Variants in PEAK1 observed in about 807,000 individuals in gnomAD.
PEAK1 encodes the protein inactive tyrosine-protein kinase PEAK1.
Under a neutral mutation model 124.7 loss-of-function variants are expected in PEAK1, and 54 were observed. That is an observed-to-expected ratio of 0.43 (90% CI 0.35 to 0.54). The LOEUF is 0.54. Ranked by LOEUF, PEAK1 falls within the 20% of genes least tolerant of loss-of-function variation. The probability of loss-of-function intolerance (pLI) is 0.01; values close to 1 mark genes in which losing one functional copy is unlikely to be tolerated. For synonymous variants in PEAK1, 719 were observed against 760.0 expected (o/e 0.95, Z 0.89); for missense variants, 2,046 against 2,134.5 (o/e 0.96, Z 0.82).
chr15:77,295,038 C>T (rs781181100), intron 2 of PEAK1, among the ~76,000 whole-genome samples: 52 of 152,182 alleles, frequency 3.4e-4, no homozygotes, highest in Admixed American at 2.1e-3. Context: ...AAGTCAAGGT[C>T]CTAAAGTACT....
intron 2 of PEAK1, among the ~76,000 whole-genome samples, chr15:77,299,734 T>A (rs2063692647): frequency 6.6e-6 from 1 of 152,210 alleles, no homozygotes; most frequent in African/African-American, 2.4e-5. Context: ...AGAAGTGTCA[T>A]AGAAATGCTG....
intron 8 of PEAK1, among the ~76,000 whole-genome samples, chr15:77,154,448 G>A (rs1340013701): frequency 6.6e-6 from 1 of 152,204 alleles, no homozygotes; most frequent in East Asian, 1.9e-4. Context: ...CAATTTGCCA[G>A]TCTGTGTCTT....
At chr15:77,353,510 G>A (rs2067328027) in intron 2 of PEAK1, among the ~76,000 whole-genome samples, 1 of 152,142 alleles carries the variant, frequency 6.6e-6, no homozygotes, top group Non-Finnish European at 1.5e-5. Flanking sequence ...TTAAAGGAGA[G>A]TTAAATGTTT....
At chr15:77,262,445 C>A (rs1315077078) in intron 5 of PEAK1, among the ~76,000 whole-genome samples, 1 of 149,558 alleles carries the variant, frequency 6.7e-6, no homozygotes, top group African/African-American at 2.5e-5. Context: ...ACAAAAAAGG[C>A]AGGGGTTGCA....
rs189100742 is a variant in PEAK1, at chr15:77,352,427, C to T, written c.-603+12736G>A. 3.0e-4 allele frequency: 293 copies of T among 985,214 alleles called. 1 individual carries two copies. In the African/African-American group the frequency reaches 4.2e-3, roughly 14 times the overall value. 61.0% of individuals were successfully genotyped at this position (985,214 alleles called of 1,614,324 possible). A position where few individuals can be genotyped will look rare whatever the true frequency, so the allele number is the denominator to read the frequency against. ...CAAGACAGGTCCTCATTCAGATACACGCACCACTAGGCCTGAAGGGGAGAT... is the reference window on the plus strand; with the variant it reads ...CAAGACAGGTCCTCATTCAGATACATGCACCACTAGGCCTGAAGGGGAGAT... On this transcript the variant is annotated intron_variant, in intron 2 of 9. Coordinates refer to ENST00000682557, the MANE Select transcript of PEAK1 (RefSeq NM_001385026.1).
chr15:77,415,681 T>C (rs1020282745), intron 1 of PEAK1, among the ~76,000 whole-genome samples: 1 of 152,202 alleles, frequency 6.6e-6, no homozygotes, highest in Admixed American at 6.5e-5. Flanking sequence ...TACAAACTTA[T>C]TTACATTGCC....
chr15:77,253,030 A>C (rs986356566), intron 5 of PEAK1, among the ~76,000 whole-genome samples: 41 of 152,196 alleles, frequency 2.7e-4, no homozygotes, highest in African/African-American at 9.9e-4. Flanking sequence ...AATATCACCC[A>C]AAATTAAATA....
At chr15:77,174,983 G>A (rs552318939) in intron 7 of PEAK1, among the ~76,000 whole-genome samples, 17 of 151,234 alleles carry the variant, frequency 1.1e-4, no homozygotes, top group African/African-American at 4.1e-4. Flanking sequence ...ACAAACCTGA[G>A]AAAAACAAGC....
At chr15:77,302,193 G>T (rs1208522726) in intron 2 of PEAK1, among the ~76,000 whole-genome samples, 2 of 152,100 alleles carry the variant, frequency 1.3e-5, no homozygotes, top group Non-Finnish European at 2.9e-5. Context: ...TACTCCCCAA[G>T]ATCTGAGGAC....
intron 9 of PEAK1, among the ~76,000 whole-genome samples, chr15:77,124,878 C>T (rs559458264): frequency 6.6e-6 from 1 of 152,312 alleles, no homozygotes; most frequent in South Asian, 2.1e-4. Context: ...AAAGTGGATA[C>T]AAAAGGCCCT....
At chr15:77,262,907 C>G (rs1400058682) in intron 5 of PEAK1, among the ~76,000 whole-genome samples, 1 of 152,214 alleles carries the variant, frequency 6.6e-6, no homozygotes, top group Non-Finnish European at 1.5e-5. Flanking sequence ...AACTGTCTCT[C>G]AGGCCACAGT....
chr15:77,281,176 G>C (rs2062653992), intron 5 of PEAK1, among the ~76,000 whole-genome samples: 1 of 151,930 alleles, frequency 6.6e-6, no homozygotes, highest in South Asian at 2.1e-4. Context: ...CAAAAAAAAA[G>C]TCTATTTCCT....
chr15:77,351,981 G>C, intron 2 of PEAK1: 1 of 980,780 alleles, frequency 1.0e-6, no homozygotes, highest in Non-Finnish European at 1.2e-6. Context: ...AGCAATTTGG[G>C]AGGCCAAGGC....
intron 2 of PEAK1, among the ~76,000 whole-genome samples, chr15:77,288,248 ATT>A (rs2063028144): frequency 6.6e-6 from 1 of 152,170 alleles, no homozygotes; most frequent in Non-Finnish European, 1.5e-5. Flanking sequence ...CTTCAACTTT[ATT>A]TCCTATCTCC....
intron 2 of PEAK1, chr15:77,336,645 C>T: frequency 1.8e-6 from 1 of 560,218 alleles, no homozygotes; most frequent in Non-Finnish European, 2.3e-6. Context: ...GGACATCCAA[C>T]AACAGATCAA....
At chr15:77,278,794 A>G in intron 5 of PEAK1, 2 of 275,586 alleles carry the variant, frequency 7.3e-6, no homozygotes, top group South Asian at 3.8e-5. Flanking sequence ...TTGAAATACT[A>G]TTTTTATCAA....
chr15:77,262,818 C>A (rs939917287), intron 5 of PEAK1, among the ~76,000 whole-genome samples: 38 of 152,144 alleles, frequency 2.5e-4, no homozygotes, highest in African/African-American at 8.7e-4. Context: ...CAGCACCACA[C>A]CACACCTATT....
chr15:77,282,385 T>C (rs1208566445), intron 5 of PEAK1, among the ~76,000 whole-genome samples: 1 of 152,216 alleles, frequency 6.6e-6, no homozygotes, highest in Non-Finnish European at 1.5e-5. Context: ...CTAACGAATT[T>C]GTCAACATGA....
At chr15:77,380,198 A>G (rs2069361462) in intron 1 of PEAK1, among the ~76,000 whole-genome samples, 1 of 152,168 alleles carries the variant, frequency 6.6e-6, no homozygotes, top group Non-Finnish European at 1.5e-5. Context: ...GGGAGCTAGA[A>G]TCGGTCAATA....
Sources: allele counts gnomAD v4.1 joint callset (sites outside exome capture counted in the v4.1 genomes callset), GRCh38; gene constraint gnomAD v4.1.1; transcripts MANE v1.5; gene names NCBI Gene and HGNC (gene_info 2026-07-23, HGNC 2026-07-21).